TMEM170B: variants seen among roughly 807,000 people sequenced by gnomAD.
TMEM170B encodes transmembrane protein 170B.
Under a neutral mutation model 13.0 loss-of-function variants are expected in TMEM170B, and 6 were observed. That is an observed-to-expected ratio of 0.46 (90% CI 0.25 to 0.91). TMEM170B has a LOEUF of 0.91. Ranked by LOEUF, TMEM170B falls within the 40% of genes least tolerant of loss-of-function variation. TMEM170B has a pLI of 0.17. For missense variants in TMEM170B, 138 were observed against 165.2 expected, an observed-to-expected ratio of 0.84 and a Z score of 0.90; for synonymous variants, 61 against 64.9, an observed-to-expected ratio of 0.94 and a Z score of 0.29.
At chr6:11,568,625 A>G (rs1157131359) in intron 2 of TMEM170B, among the ~76,000 whole-genome samples, 1 of 152,210 alleles carries the variant, frequency 6.6e-6, no homozygotes, top group Non-Finnish European at 1.5e-5. Context: ...TGTAAGTCTG[A>G]CACAATTTCA....
chr6:11,538,465 C>A, intron 1 of TMEM170B, 91 bp downstream of exon 1: 1 of 988,452 alleles, frequency 1.0e-6, no homozygotes, highest in Non-Finnish European at 1.4e-6. Flanking sequence ...CCTCGCCGCC[C>A]CACCCCCGTG....
chr6:11,538,710 A>G (rs1759318401), intron 1 of TMEM170B, among the ~76,000 whole-genome samples: 1 of 150,894 alleles, frequency 6.6e-6, no homozygotes, highest in South Asian at 2.1e-4. Context: ...TTATTCCATT[A>G]CCCTCCTCCC....
At chr6:11,553,932 ATC>A (rs1213351115) in intron 1 of TMEM170B, among the ~76,000 whole-genome samples, 2 of 151,988 alleles carry the variant, frequency 1.3e-5, no homozygotes, top group Non-Finnish European at 2.9e-5. Flanking sequence ...TTATGAAATT[ATC>A]TCTCTCTCTC....
chr6:11,548,982 G>GT (rs920625554), intron 1 of TMEM170B, among the ~76,000 whole-genome samples: 28 of 152,260 alleles, frequency 1.8e-4, no homozygotes, highest in African/African-American at 6.7e-4. Flanking sequence ...TAAATGACGA[G>GT]TTAATGGGTG....
At chr6:11,559,598 G>A (rs940783913) in intron 1 of TMEM170B, among the ~76,000 whole-genome samples, 5 of 152,156 alleles carry the variant, frequency 3.3e-5, no homozygotes, top group Admixed American at 6.5e-5. Flanking sequence ...CCCTTGATCT[G>A]TATAGCACTT....
intron 2 of TMEM170B, among the ~76,000 whole-genome samples, chr6:11,573,667 A>G (rs1759836363): frequency 6.6e-6 from 1 of 152,172 alleles, no homozygotes; most frequent in Non-Finnish European, 1.5e-5. Flanking sequence ...GCCATTTCGC[A>G]GGCAGCCTGA....
At position 11,546,012 on chromosome 6, in the gene TMEM170B, TAAAAA is replaced by T. The variant is rs35584418; in HGVS notation, c.97+7657_97+7661del. Among the ~76,000 whole-genome samples, 8 of 95,560 alleles carry T rather than the reference TAAAAA, an allele frequency of 8.4e-5. No individual in the cohort carries two copies. The Admixed American group carries it at 1.1e-3, about 13-fold the overall frequency. 62.7% of individuals were successfully genotyped at this position (95,560 alleles called of 152,430 possible). A position where few individuals can be genotyped will look rare whatever the true frequency, so the allele number is the denominator to read the frequency against. On this transcript the variant is annotated intron_variant, in intron 1 of 2. Coordinates refer to ENST00000379426, the MANE Select transcript of TMEM170B (RefSeq NM_001100829.3). ...GGGCAACAGAGCGAGACTCCGTCTT[TAAAAA>T]AAAAAAAAAAAAAAAAAAGGCAAGC...
At chr6:11,561,457 T>C (rs140518313) in intron 1 of TMEM170B, among the ~76,000 whole-genome samples, 3 of 152,306 alleles carry the variant, frequency 2.0e-5, no homozygotes, top group Admixed American at 6.5e-5. Context: ...CTGCTTTTGC[T>C]CTAGTCCTTA....
rs535734992 is a variant in TMEM170B, at chr6:11,562,875, C to G, written c.98-2791C>G. The stretch of plus-strand genomic sequence containing the variant: ...GAAATCCATTACCACAAAGATCACT[C>G]ATGTTGCTTTTTAATAACCATACCC... On this transcript the variant is annotated intron_variant, in intron 1 of 2. Transcript: ENST00000379426. Among the ~76,000 whole-genome samples, 113 of 152,274 alleles carry G rather than the reference C, an allele frequency of 7.4e-4. 1 individual carries two copies. The highest frequency in any genetic ancestry group is 2.6e-3 in the African/African-American group (110 of 41,562).
chr6:11,542,689 G>A (rs996304716), intron 1 of TMEM170B, among the ~76,000 whole-genome samples: 2 of 152,170 alleles, frequency 1.3e-5, no homozygotes, highest in Admixed American at 1.3e-4. Flanking sequence ...ATTCTGATGG[G>A]ATTCATTGTG....
chr6:11,550,275 C>T (rs200462493), intron 1 of TMEM170B, among the ~76,000 whole-genome samples: 56 of 151,564 alleles, frequency 3.7e-4, no homozygotes, highest in Admixed American at 9.9e-4. Context: ...TGAGTTCAAG[C>T]GATTCTCTTG....
At chr6:11,543,301 A>G (rs1759387049) in intron 1 of TMEM170B, among the ~76,000 whole-genome samples, 1 of 152,168 alleles carries the variant, frequency 6.6e-6, no homozygotes, top group African/African-American at 2.4e-5. Flanking sequence ...TGCTTGATTT[A>G]AACATTCTAT....
chr6:11,575,819 GTTTAGCTGCCTA>G lies in TMEM170B; in HGVS notation c.*260_*271del, dbSNP rs1759867325. ...GTAAAGTTACAAGAAAAAGCACCTT[GTTTAGCTGCCTA>G]TCAGGTTAACATTGGTGTTGAAATC... On this transcript the variant is annotated 3_prime_UTR_variant, in exon 3 of 3. Coordinates refer to ENST00000379426, the MANE Select transcript of TMEM170B (RefSeq NM_001100829.3). This position sits in a 1 kb window ranked among gnomAD's most constrained non-coding sequence, Gnocchi z 4.1. 1 of 290,368 alleles carries G rather than the reference GTTTAGCTGCCTA, an allele frequency of 3.4e-6. No individual in the cohort carries two copies. The highest frequency in any genetic ancestry group is 2.2e-5 in the African/African-American group (1 of 46,486). 18.0% of individuals were successfully genotyped at this position (290,368 alleles called of 1,614,324 possible).
chr6:11,542,340 C>T (rs1446514919), intron 1 of TMEM170B, among the ~76,000 whole-genome samples: 4 of 152,140 alleles, frequency 2.6e-5, no homozygotes, highest in African/African-American at 4.8e-5. Context: ...TTATAATTGC[C>T]TCCAGTTCTG....
chr6:11,561,178 A>G (rs1402056623), intron 1 of TMEM170B, among the ~76,000 whole-genome samples: 1 of 152,232 alleles, frequency 6.6e-6, no homozygotes, highest in African/African-American at 2.4e-5. Flanking sequence ...TGGTGATTAT[A>G]GGCATGAGAT....
At chr6:11,554,153 T>C (rs769840415) in intron 1 of TMEM170B, among the ~76,000 whole-genome samples, 3 of 152,128 alleles carry the variant, frequency 2.0e-5, no homozygotes, top group Non-Finnish European at 4.4e-5. Flanking sequence ...CTCGTTGGTG[T>C]AAAAAGTTTA....
chr6:11,574,141 C>G (rs9394154), intron 2 of TMEM170B, among the ~76,000 whole-genome samples: 76,904 of 152,002 alleles, frequency 0.51, 20,502 homozygotes, highest in Admixed American at 0.64. Flanking sequence ...AACTGAACCT[C>G]TCTGAACCTC....
intron 2 of TMEM170B, among the ~76,000 whole-genome samples, chr6:11,574,679 C>T (rs369955205): frequency 6.6e-6 from 1 of 152,114 alleles, no homozygotes; most frequent in East Asian, 1.9e-4. Context: ...CGCTTAGATA[C>T]CACATCATTA....
In TMEM170B at chr6:11,579,604, C is replaced by CT. The variant is rs1252728942; in HGVS notation, c.*4048dup. Reference sequence around the variant, plus strand: ...TTGCTTCATCTCCTTTTCACTTTTTCTTTTTAAAATCAGCAGATCTTTAAG... The same window carrying CT: ...TTGCTTCATCTCCTTTTCACTTTTTCTTTTTTAAAATCAGCAGATCTTTAAG... On this transcript the variant is annotated 3_prime_UTR_variant, in exon 3 of 3. Transcript: ENST00000379426. The CT allele has an allele frequency of 1.3e-5, 2 of 152,034 alleles. No individual in the cohort carries two copies. Among genetic ancestry groups the CT allele is most frequent in the African/African-American group, 2.4e-5 (1 of 41,406 alleles). The allele number at this position is 152,034 out of a possible 1,614,324, so 9.4% of individuals were successfully genotyped here.
Sources: gnomAD v4.1 joint callset for allele counts (sites outside exome capture counted in the v4.1 genomes callset) on GRCh38, gnomAD v4.1.1 for gene constraint, Gnocchi (gnomAD v3.1) non-coding constraint, MANE v1.5 for transcripts, NCBI Gene and HGNC (gene_info 2026-07-23, HGNC 2026-07-21) for gene names.